The following PLAC1 variants were observed in gnomAD, a reference collection of about 807,000 sequenced individuals.
The protein encoded by PLAC1 is placenta-specific protein 1.
For missense variants in PLAC1, 136 were observed against 163.2 expected (o/e 0.83, Z 0.91); for synonymous variants, 68 against 62.1 (o/e 1.09, Z -0.44).
At chrX:134,572,638 T>G (rs1824020668) in intron 2 of PLAC1, among the ~76,000 whole-genome samples, 1 of 111,683 alleles carries the variant, frequency 9.0e-6, no homozygotes, top group African/African-American at 3.3e-5. Context: ...CATTAAAAAT[T>G]TATTTCTGAT....
intron 1 of PLAC1, among the ~76,000 whole-genome samples, chrX:134,623,833 T>C (rs1297248722): frequency 3.6e-5 from 4 of 112,115 alleles, no homozygotes. Context: ...TGCAAAGTGT[T>C]GACTTTACAA....
chrX:134,631,450 A>G (rs1381141889), intron 1 of PLAC1, among the ~76,000 whole-genome samples: 1 of 111,157 alleles, frequency 9.0e-6, no homozygotes, highest in Non-Finnish European at 1.9e-5. Flanking sequence ...GAAAAAGGTC[A>G]CTCTCCACAC....
At chrX:134,697,315 A>G (rs1354676537) in intron 2 of PLAC1, among the ~76,000 whole-genome samples, 1 of 111,509 alleles carries the variant, frequency 9.0e-6, no homozygotes, top group African/African-American at 3.3e-5. Flanking sequence ...TTCAAAAATT[A>G]AAAGAATGTT....
exon 1 of PLAC1, chrX:134,764,272 T>C (rs944155403): frequency 4.4e-5 from 5 of 112,378 alleles, no homozygotes; most frequent in African/African-American, 1.6e-4. Context: ...TCGTGTAAGT[T>C]TTCCTCGGGA....
chrX:134,738,907 G>A (rs1382648779), intron 1 of PLAC1, among the ~76,000 whole-genome samples: 1 of 112,440 alleles, frequency 8.9e-6, no homozygotes, highest in Non-Finnish European at 1.9e-5. Context: ...CAACAGAATG[G>A]AATAATTAGG....
intron 1 of PLAC1, among the ~76,000 whole-genome samples, chrX:134,762,821 C>CAAAAA (rs60721487): frequency 0.043 from 609 of 14,104 alleles, 1 homozygote; most frequent in East Asian, 0.095. Flanking sequence ...GGCTCTATCT[C>CAAAAA]AAAAAAAAAA....
At chrX:134,695,778 G>A (rs1053426799) in intron 2 of PLAC1, among the ~76,000 whole-genome samples, 3 of 112,059 alleles carry the variant, frequency 2.7e-5, no homozygotes, top group Non-Finnish European at 5.6e-5. Flanking sequence ...ATTAGATCAT[G>A]TGCTGGAAAA....
At chrX:134,744,105 G>A (rs1055757842) in intron 1 of PLAC1, among the ~76,000 whole-genome samples, 31 of 110,776 alleles carry the variant, frequency 2.8e-4, no homozygotes, top group Middle Eastern at 4.7e-3. Flanking sequence ...CCAACATGGC[G>A]AAAGCCCCAT....
At chrX:134,579,805 C>T (rs1476191456) in intron 2 of PLAC1, among the ~76,000 whole-genome samples, 1 of 111,529 alleles carries the variant, frequency 9.0e-6, no homozygotes, top group Non-Finnish European at 1.9e-5. Context: ...GGCAGATGCT[C>T]ATCCCTAGGA....
intron 2 of PLAC1, among the ~76,000 whole-genome samples, chrX:134,730,183 G>C (rs781357147): frequency 2.1e-4 from 23 of 111,993 alleles, no homozygotes; most frequent in African/African-American, 6.8e-4. Flanking sequence ...GGACCTGAAG[G>C]CTCCATATGA....
chrX:134,620,703 A>T (rs950940450), intron 1 of PLAC1, among the ~76,000 whole-genome samples: 1 of 111,939 alleles, frequency 8.9e-6, no homozygotes, highest in African/African-American at 3.3e-5. Context: ...GAAAGATTCA[A>T]ATAAGATAGT....
intron 1 of PLAC1, among the ~76,000 whole-genome samples, chrX:134,625,248 TGAGA>T (rs2078230571): frequency 9.0e-6 from 1 of 111,624 alleles, no homozygotes; most frequent in South Asian, 3.8e-4. Flanking sequence ...AGGCAGAGGG[TGAGA>T]GAAATGGGGT....
At chrX:134,761,610 T>A (rs1474837615) in intron 1 of PLAC1, among the ~76,000 whole-genome samples, 1 of 112,142 alleles carries the variant, frequency 8.9e-6, no homozygotes, top group Non-Finnish European at 1.9e-5. Flanking sequence ...ACTGGTTGCT[T>A]CTGAGAAAGG....
At chrX:134,639,705 A>G (rs1299344905) in intron 1 of PLAC1, among the ~76,000 whole-genome samples, 1 of 112,039 alleles carries the variant, frequency 8.9e-6, no homozygotes, top group African/African-American at 3.2e-5. Flanking sequence ...ATTCCAAAGT[A>G]AAACCTCTTA....
chrX:134,577,550 G>T (rs113455107), intron 2 of PLAC1, among the ~76,000 whole-genome samples: 1 of 111,589 alleles, frequency 9.0e-6, no homozygotes, highest in African/African-American at 3.3e-5. Context: ...TTAGCTGGGC[G>T]TGGTGGCGCA....
At chrX:134,735,061 G>T (rs1349743970) in intron 1 of PLAC1, among the ~76,000 whole-genome samples, 1 of 111,834 alleles carries the variant, frequency 8.9e-6, no homozygotes, top group Non-Finnish European at 1.9e-5. Flanking sequence ...TAATTTCCAG[G>T]ACTGGGCTGA....
At chrX:134,670,851 C>T (rs1178708745) in intron 2 of PLAC1, among the ~76,000 whole-genome samples, 1 of 112,215 alleles carries the variant, frequency 8.9e-6, no homozygotes, top group Non-Finnish European at 1.9e-5. Flanking sequence ...TCTAACCTAA[C>T]AAAGACCCTG....
Position 134,595,016 on chromosome X carries a change from C to T in PLAC1, c.-59+7035G>A, listed in dbSNP as rs144647540. ...TTAGTGATACAAATTTCCCTTTCAA[C>T]GTGGCTTTTACTGTGTCCCACAAAT... On this transcript the variant is annotated intron_variant, in intron 2 of 2. Transcript: ENST00000359237. Among the ~76,000 whole-genome samples the T allele has an allele frequency of 4.0e-4, 44 of 109,034 alleles. No homozygotes were observed. In the East Asian group the frequency reaches 9.4e-3, roughly 23 times the overall value. The allele number at this position is 109,034 out of a possible 115,157, so 94.7% of individuals were successfully genotyped here.
At chrX:134,614,128 G>C (rs1451181564) in intron 1 of PLAC1, among the ~76,000 whole-genome samples, 1 of 110,290 alleles carries the variant, frequency 9.1e-6, no homozygotes, top group African/African-American at 3.3e-5. Context: ...CCTGGATCCT[G>C]CAACCGACCT....
Sources: gnomAD v4.1 joint callset for allele counts (sites outside exome capture counted in the v4.1 genomes callset) on GRCh38, gnomAD v4.1.1 for gene constraint, MANE v1.5 for transcripts, NCBI Gene and HGNC (gene_info 2026-07-23, HGNC 2026-07-21) for gene names.